ME2: variants seen among roughly 807,000 people sequenced by gnomAD.
ME2 encodes malic enzyme 2, also known as NAD-dependent malic enzyme, mitochondrial.
Under a neutral mutation model 73.7 loss-of-function variants are expected in ME2, and 60 were observed. That is an observed-to-expected ratio of 0.81 (90% confidence interval 0.66 to 1.01). ME2 has a LOEUF of 1.01. ME2 is among the 50% of genes least tolerant of loss of function. ME2 has a pLI of 0.00. For synonymous variants in ME2, 199 were observed against 236.9 expected, an observed-to-expected ratio of 0.84 and a Z score of 1.47; for missense variants, 594 against 705.5, an observed-to-expected ratio of 0.84 and a Z score of 1.79.
At chr18:50,926,787 T>G (rs2144247780) in intron 12 of ME2, among the ~76,000 whole-genome samples, 1 of 152,328 alleles carries the variant, frequency 6.6e-6, no homozygotes, top group Non-Finnish European at 1.5e-5. Flanking sequence ...TGTTGTTAGG[T>G]TCTTAATTTT....
intron 1 of ME2, among the ~76,000 whole-genome samples, chr18:50,893,996 A>T (rs1916671113): frequency 6.6e-6 from 1 of 152,216 alleles, no homozygotes; most frequent in Non-Finnish European, 1.5e-5. Context: ...AATTACATCT[A>T]TGACTATTTA....
At chr18:50,897,271 T>A (rs1916768167) in intron 2 of ME2, among the ~76,000 whole-genome samples, 1 of 152,232 alleles carries the variant, frequency 6.6e-6, no homozygotes, top group African/African-American at 2.4e-5. Context: ...TATGGGCGCA[T>A]TTGATAAATA....
chr18:50,936,141 C>T (rs1050551228), intron 13 of ME2, among the ~76,000 whole-genome samples: 4 of 152,098 alleles, frequency 2.6e-5, no homozygotes, highest in Non-Finnish European at 4.4e-5. Context: ...AAAAGATTTC[C>T]TTCAAAGAAG....
intron 13 of ME2, chr18:50,934,543 G>A (rs1917772056): frequency 6.6e-6 from 1 of 152,170 alleles, no homozygotes. Context: ...AGCTAGTCAG[G>A]AGGCTGAGAT....
intron 13 of ME2, chr18:50,934,028 T>A (rs536701135): frequency 2.5e-4 from 38 of 152,320 alleles, no homozygotes; most frequent in African/African-American, 8.7e-4. Flanking sequence ...TATTTTTTTT[T>A]ATTTATACAC....
At position 50,948,380 on chromosome 18, in the gene ME2, C is replaced by T. The variant is rs1413518420; in HGVS notation, c.*1196C>T. On this transcript the variant is annotated 3_prime_UTR_variant, in exon 16 of 16. Transcript: ENST00000321341. ...TCTAAAGGAAAATATATCTGCCTAC[C>T]ATGCTTGCTCTTAGGGAAGAAAACT... 1 of 152,018 alleles carries T rather than the reference C, an allele frequency of 6.6e-6. No individual in the cohort carries two copies. The highest frequency in any genetic ancestry group is 1.5e-5 in the Non-Finnish European group (1 of 68,026). The allele number at this position is 152,018 out of a possible 1,614,324, so 9.4% of individuals were successfully genotyped here. A position where few individuals can be genotyped will look rare whatever the true frequency, so the allele number is the denominator to read the frequency against.
At chr18:50,890,643 T>C (rs1916586919) in intron 1 of ME2, among the ~76,000 whole-genome samples, 1 of 152,158 alleles carries the variant, frequency 6.6e-6, no homozygotes, top group South Asian at 2.1e-4. Context: ...AGAATTCCTT[T>C]TTTCAACAAA....
chr18:50,898,668 G>A (rs687084), intron 2 of ME2, among the ~76,000 whole-genome samples: 103,920 of 152,028 alleles, frequency 0.68, 35,945 homozygotes, highest in African/African-American at 0.79. Context: ...CCTGGGCTCA[G>A]GTGATCCGCC....
At chr18:50,925,679 A>G (rs1048760300) in intron 11 of ME2, 77 bp from the exon 12 acceptor site, 6 of 1,208,450 alleles carry the variant, frequency 5.0e-6, no homozygotes, top group Non-Finnish European at 4.8e-6. Flanking sequence ...TTGTAGGCCT[A>G]TTGTAGAAAT....
chr18:50,932,482 A>G, intron 13 of ME2, 122 bp downstream of exon 13: 1 of 585,900 alleles, frequency 1.7e-6, no homozygotes, highest in East Asian at 3.2e-5. Context: ...GTATAAATGT[A>G]CAAGGAAACT....
intron 3 of ME2, among the ~76,000 whole-genome samples, chr18:50,910,434 G>T (rs1048353314): frequency 4.6e-4 from 66 of 143,914 alleles, no homozygotes; most frequent in African/African-American, 1.7e-3. Context: ...GTGAGACCCT[G>T]TCTCAGAAAA....
At chr18:50,925,977 T>C in intron 12 of ME2, 79 bp downstream of exon 12, 1 of 993,544 alleles carries the variant, frequency 1.0e-6, no homozygotes. Flanking sequence ...TACACCATTG[T>C]TCTAATGGTT....
At chr18:50,897,090 C>T (rs556722835) in intron 2 of ME2, among the ~76,000 whole-genome samples, 2 of 152,266 alleles carry the variant, frequency 1.3e-5, no homozygotes, top group South Asian at 4.1e-4. Flanking sequence ...TCTTCCTGTT[C>T]CTGTGGCAAG....
At chr18:50,917,613 T>C (rs1165786760) in intron 6 of ME2, 105 bp downstream of exon 6, 8 of 757,718 alleles carry the variant, frequency 1.1e-5, no homozygotes, top group Non-Finnish European at 1.5e-5. Flanking sequence ...AGTTTTATGA[T>C]TAGATTTTTT....
intron 13 of ME2, chr18:50,939,140 G>GAAAAAAAAAAAAAAAAAAAAAAAAAAAAA (rs56350434): frequency 8.4e-6 from 1 of 118,530 alleles, no homozygotes. Context: ...AAAAAAAAAA[G>GAAAAAAAAAAAAAAAAAAAAAAAAAAAAA]AAAAAAAAAA....
chr18:50,892,950 C>T (rs910492852), intron 1 of ME2, among the ~76,000 whole-genome samples: 1 of 151,618 alleles, frequency 6.6e-6, no homozygotes, highest in African/African-American at 2.4e-5. Flanking sequence ...ATGGTGAAAC[C>T]CTGTCTCTAC....
In ME2 at chr18:50,908,801, T is replaced by C. The variant is rs556185241; in HGVS notation, c.242+605T>C. ...GATTACAGGCGCCCACCACCATGCC[T>C]GGCTAATTTTTTTATTTGTAGTAGA... On this transcript the variant is annotated intron_variant, in intron 3 of 15. Coordinates refer to ENST00000321341, the MANE Select transcript of ME2 (RefSeq NM_002396.5). Among the ~76,000 whole-genome samples the C allele has an allele frequency of 2.6e-5, 4 of 151,580 alleles. No individual in the cohort carries two copies. The South Asian group carries it at 8.4e-4, about 32-fold the overall frequency.
At chr18:50,883,945 C>T (rs1413858390) in intron 1 of ME2, among the ~76,000 whole-genome samples, 1 of 152,172 alleles carries the variant, frequency 6.6e-6, no homozygotes, top group East Asian at 1.9e-4. Context: ...TCTTTTATTT[C>T]CTGTTTTTAC....
At chr18:50,902,010 C>G (rs1401299055) in intron 2 of ME2, among the ~76,000 whole-genome samples, 1 of 152,192 alleles carries the variant, frequency 6.6e-6, no homozygotes, top group Non-Finnish European at 1.5e-5. Context: ...AGAGATTTTA[C>G]TACAGATTCT....
Sources: allele counts gnomAD v4.1 joint callset (sites outside exome capture counted in the v4.1 genomes callset), GRCh38; gene constraint gnomAD v4.1.1; transcripts MANE v1.5; gene names NCBI Gene and HGNC (gene_info 2026-07-23, HGNC 2026-07-21).